Variants in RPL6 observed in about 807,000 individuals in gnomAD.
RPL6 encodes the protein ribosomal protein L6, also known as large ribosomal subunit protein eL6.
Under a neutral mutation model 32.1 loss-of-function variants are expected in RPL6, and 1 was observed. The ratio of observed to expected loss-of-function variants is 0.03; its 90% CI spans 0.01 to 0.15. The LOEUF (loss-of-function observed/expected upper bound fraction) is 0.15, where lower values mean the gene tolerates loss of function less well. RPL6 is among the 10% of genes least tolerant of loss of function. RPL6 has a pLI of 1.00. For synonymous variants in RPL6, 126 were observed against 131.6 expected, an observed-to-expected ratio of 0.96 and a Z score of 0.29; for missense variants, 275 against 354.6, an observed-to-expected ratio of 0.78 and a Z score of 1.80.
chr12:112,408,229 C>T lies in RPL6; in HGVS notation c.336+11G>A. 1.9e-6 allele frequency: 3 copies of T among 1,605,612 alleles called. No homozygotes were observed. Among genetic ancestry groups the T allele is most frequent in the Non-Finnish European group, 2.6e-6 (3 of 1,172,554 alleles). ...AAACAGAAAATCCAATTTACAGTCCCCACATCTTACCATTTTGCGAAGTTT... is the reference window on the plus strand; with the variant it reads ...AAACAGAAAATCCAATTTACAGTCCTCACATCTTACCATTTTGCGAAGTTT... On this transcript the variant is annotated intron_variant, in intron 3 of 6. Transcript: ENST00000202773.
rs78500804 is a variant in RPL6 at position 112,407,049 on chromosome 12, G to A, written c.337-159C>T. 3,060 of 697,618 alleles carry A rather than the reference G, an allele frequency of 4.4e-3. 78 individuals carry two copies. In the African/African-American group the frequency reaches 0.051, roughly 12 times the overall value. The allele number at this position is 697,618 out of a possible 1,614,324, so 43.2% of individuals were successfully genotyped here. ...ATTTCTGCTAAGTAGACTTGGAAAAGGTCAATTATGCTTCTGCATCCTGTG... is the reference window on the plus strand; with the variant it reads ...ATTTCTGCTAAGTAGACTTGGAAAAAGTCAATTATGCTTCTGCATCCTGTG... On this transcript the variant is annotated intron_variant, in intron 3 of 6. Transcript: ENST00000202773.
In RPL6 at chr12:112,406,990, A is replaced by C. The variant is rs564374542; in HGVS notation, c.337-100T>G. The C allele has an allele frequency of 2.6e-5, 31 of 1,177,144 alleles. No homozygotes were observed. The African/African-American group carries it at 4.3e-4, about 16-fold the overall frequency. 72.9% of individuals were successfully genotyped at this position (1,177,144 alleles called of 1,614,324 possible). On this transcript the variant is annotated intron_variant, in intron 3 of 6. Coordinates refer to ENST00000202773, the MANE Select transcript of RPL6 (RefSeq NM_000970.6). The stretch of plus-strand genomic sequence containing the variant: ...CTTTTGCTACAGCCTTTTTATTTTA[A>C]AGTATAATACTGTATTTATATGATT...
rs760182449 is a variant in RPL6 at position 112,415,873 on chromosome 12, C to CT, written c.-229+2854dup. Among the ~76,000 whole-genome samples, 6,995 of 126,854 alleles carry CT rather than the reference C, an allele frequency of 0.055. 942 individuals carry two copies. The East Asian group carries it at 0.6, about 11-fold the overall frequency. 83.2% of individuals were successfully genotyped at this position (126,854 alleles called of 152,430 possible). A position where few individuals can be genotyped will look rare whatever the true frequency, so the allele number is the denominator to read the frequency against. On this transcript the variant is annotated intron_variant, in intron 1 of 5. Transcript: ENST00000551291. ...AGCCACCACATCCAGGGGGATAAAC[C>CT]TTTTTTTTTTTTTTTTGGACTTCAT... is the stretch of plus-strand genomic sequence containing the variant.
At chr12:112,416,929 A>G (rs527500018) in intron 1 of RPL6, among the ~76,000 whole-genome samples, 4 of 152,358 alleles carry the variant, frequency 2.6e-5, no homozygotes, top group African/African-American at 7.2e-5. Context: ...ATGATGCTGA[A>G]GCAGTTAGCA....
At chr12:112,416,122 C>A (rs1343996469) in intron 1 of RPL6, among the ~76,000 whole-genome samples, 4 of 141,718 alleles carry the variant, frequency 2.8e-5, no homozygotes, top group Non-Finnish European at 6.1e-5. Context: ...CTGCACCCAG[C>A]TAAATTTTGT....
intron 6 of RPL6, 33 bp from the exon 7 acceptor site, chr12:112,405,409 A>C: frequency 1.9e-6 from 3 of 1,605,484 alleles, no homozygotes; most frequent in Non-Finnish European, 2.6e-6. Context: ...ATTTTAAAAC[A>C]GGCACATACC....
At chr12:112,405,508 T>C in intron 6 of RPL6, 132 bp from the exon 7 acceptor site, 2 of 966,526 alleles carry the variant, frequency 2.1e-6, no homozygotes, top group Non-Finnish European at 3.1e-6. Flanking sequence ...ATTTTGACAA[T>C]CCTTTCCTTG....
upstream of RPL6, chr12:112,410,543 A>G (rs953438687): frequency 7.1e-6 from 1 of 141,076 alleles, no homozygotes; most frequent in Non-Finnish European, 1.5e-5. Flanking sequence ...AATGCTACAT[A>G]AGTGTTAGCT....
In RPL6 at chr12:112,415,817, G is replaced by A. The variant is rs1016868122; in HGVS notation, c.-229+2911C>T. Among the ~76,000 whole-genome samples the A allele has an allele frequency of 4.0e-5, 6 of 151,274 alleles. 1 individual carries two copies. The South Asian group carries it at 6.3e-4, about 16-fold the overall frequency. On this transcript the variant is annotated intron_variant, in intron 1 of 5. Coordinates refer to the RPL6 transcript ENST00000551291. ...TGGGCTCAAGAAATCCTCCCACCTA[G>A]GAGTCCCAAAACACTGGGATTACAG...
Position 112,418,643 on chromosome 12 carries a change from G to T in RPL6, c.-229+85C>A, listed in dbSNP as rs1166798302. On this transcript the variant is annotated intron_variant, in intron 1 of 5. Coordinates refer to the RPL6 transcript ENST00000551291. ...TTCCACAGCTAATGAGTGGAGCGGC[G>T]ATTTGTGGAACGAAATGAATGAAAT... The T allele has an allele frequency of 1.7e-5, 5 of 285,750 alleles. No individual in the cohort carries two copies. The Admixed American group carries it at 2.8e-4, about 16-fold the overall frequency. 17.7% of individuals were successfully genotyped at this position (285,750 alleles called of 1,614,324 possible). A position where few individuals can be genotyped will look rare whatever the true frequency, so the allele number is the denominator to read the frequency against.
Position 112,405,997 on chromosome 12 carries a change from G to T in RPL6, c.570C>A (p.His190Gln), listed in dbSNP as rs2037152433. 1 of 1,613,940 alleles carries T rather than the reference G, an allele frequency of 6.2e-7. No homozygotes were observed. The highest frequency in any genetic ancestry group is 1.3e-5 in the African/African-American group (1 of 74,888). Residue 190 changes from histidine to glutamine, a missense_variant, in exon 6 of 7, where the codon CAC (histidine) becomes CAA (glutamine). His to Gln is a conservative substitution (Grantham distance 24). Coordinates refer to ENST00000202773, the MANE Select transcript of RPL6 (RefSeq NM_000970.6). ...TTGAAGTGGCAATGACAAATTTCTG[G>T]TGTGTTCTTCGTAGAGGAACTCGAT... ...VLNRVPLRRT[H>Q]QKFVIATSTK...
At chr12:112,409,001 C>T in intron 1 of RPL6, 2 of 292,476 alleles carry the variant, frequency 6.8e-6, no homozygotes, top group African/African-American at 2.2e-5. Flanking sequence ...AATGTGTCCA[C>T]AGGTTAGAAG....
At chr12:112,414,520 G>A (rs938405960), upstream of RPL6, among the ~76,000 whole-genome samples, 2 of 152,154 alleles carry the variant, frequency 1.3e-5, no homozygotes, top group African/African-American at 4.8e-5. Context: ...CTATCCTATG[G>A]TAGGATTTTG....
At chr12:112,410,398 G>C (rs1333116202), upstream of RPL6, 1 of 234,422 alleles carries the variant, frequency 4.3e-6, no homozygotes, top group Non-Finnish European at 9.0e-6. Context: ...TACAGAATGA[G>C]ACTCTGTCTT....
chr12:112,405,428 T>C, intron 6 of RPL6, 52 bp from the exon 7 acceptor site: 1 of 1,575,292 alleles, frequency 6.3e-7, no homozygotes, highest in Non-Finnish European at 8.7e-7. Context: ...CCAAATTACT[T>C]GTAGGTCAAC....
intron 1 of RPL6, among the ~76,000 whole-genome samples, chr12:112,416,133 A>AT (rs1168421826): frequency 0.04 from 2,049 of 51,080 alleles, 145 homozygotes; most frequent in African/African-American, 0.1. Context: ...TAAATTTTGT[A>AT]TTTTTTTTTT....
upstream of RPL6, among the ~76,000 whole-genome samples, chr12:112,409,960 A>C (rs118075147): frequency 0.011 from 1,723 of 150,070 alleles, 14 homozygotes; most frequent in Non-Finnish European, 0.018. Context: ...GCAGTGAGCC[A>C]AGATCGCGAC....
At chr12:112,411,800 T>G (rs1020908571), upstream of RPL6, among the ~76,000 whole-genome samples, 1 of 152,230 alleles carries the variant, frequency 6.6e-6, no homozygotes, top group African/African-American at 2.4e-5. Flanking sequence ...TTTTATTAAG[T>G]TTAGTTTTGC....
At chr12:112,409,542 G>C (rs1273870800) in intron 1 of RPL6, 45 bp downstream of exon 1, 2 of 398,482 alleles carry the variant, frequency 5.0e-6, no homozygotes, top group Non-Finnish European at 8.8e-6. Context: ...GCGAAGGATT[G>C]GGAGTCCTGA....
Sources: allele counts gnomAD v4.1 joint callset (sites outside exome capture counted in the v4.1 genomes callset), GRCh38; gene constraint gnomAD v4.1.1; transcripts MANE v1.5; gene names NCBI Gene and HGNC (gene_info 2026-07-23, HGNC 2026-07-21).